Variants in NELL2 observed in about 807,000 individuals in gnomAD.
NELL2 encodes neural EGFL like 2, also known as protein kinase C-binding protein NELL2.
Under a neutral mutation model 109.6 loss-of-function variants are expected in NELL2, and 41 were observed. That is an observed-to-expected ratio of 0.37 (90% CI 0.29 to 0.49). The LOEUF is 0.49. Ranked by LOEUF, NELL2 falls within the 20% of genes least tolerant of loss-of-function variation. The pLI, the probability that NELL2 is intolerant of heterozygous loss-of-function variation, is 0.98. For synonymous variants in NELL2, 355 were observed against 344.7 expected, an observed-to-expected ratio of 1.03 and a Z score of -0.33; for missense variants, 900 against 1,008.3, an observed-to-expected ratio of 0.89 and a Z score of 1.45.
intron 13 of NELL2, among the ~76,000 whole-genome samples, chr12:44,612,181 G>A (rs1401587564): frequency 6.6e-6 from 1 of 151,260 alleles, no homozygotes; most frequent in Non-Finnish European, 1.5e-5. Flanking sequence ...AATTGTCTTT[G>A]GCATATACAG....
At chr12:44,883,903 G>A (rs900534465) in intron 1 of NELL2, among the ~76,000 whole-genome samples, 12 of 151,862 alleles carry the variant, frequency 7.9e-5, no homozygotes, top group Non-Finnish European at 1.8e-4. Context: ...GCAGGAAATA[G>A]TTAAGATAGA....
chr12:44,814,088 T>C (rs1456389081), intron 3 of NELL2, among the ~76,000 whole-genome samples: 2 of 152,176 alleles, frequency 1.3e-5, no homozygotes, highest in African/African-American at 4.8e-5. Context: ...ACACTGACCA[T>C]CTAGGACTCA....
At chr12:44,593,424 T>C (rs1328049092) in intron 15 of NELL2, among the ~76,000 whole-genome samples, 2 of 152,202 alleles carry the variant, frequency 1.3e-5, no homozygotes, top group South Asian at 2.1e-4. Flanking sequence ...TGGAGCTATA[T>C]TGCAGTGTTT....
chr12:44,617,527 A>T (rs1156534675), intron 13 of NELL2, among the ~76,000 whole-genome samples: 1 of 135,366 alleles, frequency 7.4e-6, no homozygotes, highest in Admixed American at 7.1e-5. Context: ...CTCTACTAAA[A>T]ACACACACAA....
chr12:44,652,306 T>A (rs1338925470), intron 13 of NELL2, among the ~76,000 whole-genome samples: 2 of 152,206 alleles, frequency 1.3e-5, no homozygotes, highest in East Asian at 3.8e-4. Flanking sequence ...AGATGAGACA[T>A]GTGCTATACA....
intron 9 of NELL2, among the ~76,000 whole-genome samples, chr12:44,734,099 TTACTC>T (rs1370298173): frequency 3.9e-5 from 6 of 152,008 alleles, no homozygotes; most frequent in Admixed American, 2.6e-4. Context: ...TACTACAACT[TTACTC>T]TATGTATTTG....
chr12:44,632,998 G>A (rs1292572515), intron 13 of NELL2, among the ~76,000 whole-genome samples: 2 of 151,892 alleles, frequency 1.3e-5, no homozygotes. Flanking sequence ...AAAATAGGGA[G>A]AATAGAAAAT....
chr12:44,673,171 CAA>C (rs1323543184), intron 12 of NELL2, among the ~76,000 whole-genome samples: 3 of 152,090 alleles, frequency 2.0e-5, no homozygotes, highest in African/African-American at 7.2e-5. Flanking sequence ...AAGAACTCCC[CAA>C]AGAGTTGCGT....
intron 19 of NELL2, among the ~76,000 whole-genome samples, chr12:44,514,207 G>A (rs1410058529): frequency 6.6e-6 from 1 of 151,828 alleles, no homozygotes; most frequent in Non-Finnish European, 1.5e-5. Flanking sequence ...GACACTTTCA[G>A]ATAAATAAGA....
intron 15 of NELL2, among the ~76,000 whole-genome samples, chr12:44,601,462 C>T (rs865931887): frequency 5.8e-4 from 88 of 152,132 alleles, no homozygotes; most frequent in African/African-American, 1.8e-3. Context: ...GTACAGAATG[C>T]AAATCACTAA....
chr12:44,846,373 ACT>A (rs1175293087), intron 2 of NELL2, among the ~76,000 whole-genome samples: 1 of 152,092 alleles, frequency 6.6e-6, no homozygotes, highest in Non-Finnish European at 1.5e-5. Flanking sequence ...AAGATTCTTG[ACT>A]CTGCAGAGGG....
chr12:44,895,122 A>T (rs915732565), intron 1 of NELL2, among the ~76,000 whole-genome samples: 3 of 152,308 alleles, frequency 2.0e-5, no homozygotes, highest in Admixed American at 2.0e-4. Context: ...GAGATTCTAG[A>T]GAGAAGCCTG....
chr12:44,511,979 A>C (rs1941019795), intron 19 of NELL2, among the ~76,000 whole-genome samples: 1 of 152,182 alleles, frequency 6.6e-6, no homozygotes, highest in South Asian at 2.1e-4. Flanking sequence ...AAAATAGATA[A>C]ATGAGACTAT....
chr12:44,777,011 C>A, intron 7 of NELL2, 31 bp downstream of exon 7: 1 of 1,593,918 alleles, frequency 6.3e-7, no homozygotes, highest in Non-Finnish European at 8.6e-7. Flanking sequence ...GATTTTTAAG[C>A]TTCCACACTG....
At position 44,704,540 on chromosome 12, in the gene NELL2, C is replaced by T. The variant is rs117563104; in HGVS notation, c.1190-686G>A. ...AATCATGTGCAATTTCTCAAGATCT[C>T]TTTTTGTGGCCTGAACCCCTTGTTC... On this transcript the variant is annotated intron_variant, in intron 11 of 19. Transcript: ENST00000429094. Among the ~76,000 whole-genome samples the T allele has an allele frequency of 8.9e-3, 1,350 of 152,198 alleles. 30 individuals carry two copies. Among genetic ancestry groups the T allele is most frequent in the East Asian group, 0.084 (435 of 5,174 alleles).
chr12:44,561,355 A>T (rs1314503883), intron 15 of NELL2, among the ~76,000 whole-genome samples: 1 of 152,196 alleles, frequency 6.6e-6, no homozygotes, highest in Non-Finnish European at 1.5e-5. Flanking sequence ...AAAGCAATAA[A>T]GGGTATTCAA....
At chr12:44,580,844 C>T (rs954075298) in intron 15 of NELL2, among the ~76,000 whole-genome samples, 2 of 152,036 alleles carry the variant, frequency 1.3e-5, no homozygotes, top group South Asian at 2.1e-4. Flanking sequence ...CATTTCAGCT[C>T]ATTTTATATA....
rs554020057 is a variant in NELL2, at chr12:44,523,444, A to G, written c.1845T>C (p.Asn615=). 1 of 1,614,056 alleles carries G rather than the reference A, an allele frequency of 6.2e-7. No individual in the cohort carries two copies. Among genetic ancestry groups the G allele is most frequent in the African/African-American group, 1.3e-5 (1 of 75,052 alleles). ...CATCCAAATTGAAGCAAATGGTATC[A>G]TTGGCACAGCTGTGCCTCCCGGTCC... ...ECGTGRHSCA[N]DTICFNLDGG... Residue 615 remains asparagine, a synonymous_variant, in exon 17 of 20, where the codon AAT becomes AAC. Coordinates refer to ENST00000429094, the MANE Select transcript of NELL2 (RefSeq NM_001145108.2).
At chr12:44,822,283 C>T (rs1280082399) in intron 2 of NELL2, among the ~76,000 whole-genome samples, 3 of 152,112 alleles carry the variant, frequency 2.0e-5, no homozygotes, top group Non-Finnish European at 4.4e-5. Context: ...ATTACTCTTA[C>T]AAGCAATGAG....
Sources: gnomAD v4.1 joint callset for allele counts (sites outside exome capture counted in the v4.1 genomes callset) on GRCh38, gnomAD v4.1.1 for gene constraint, MANE v1.5 for transcripts, NCBI Gene and HGNC (gene_info 2026-07-23, HGNC 2026-07-21) for gene names.